Variants in CDKL2 observed in about 807,000 individuals in gnomAD.
CDKL2 encodes cyclin dependent kinase like 2, also known as cyclin-dependent kinase-like 2.
Under a neutral mutation model 63.9 loss-of-function variants are expected in CDKL2, and 64 were observed. That is an observed-to-expected ratio of 1.00 (90% CI 0.82 to 1.23). The LOEUF is 1.23. Among genes scored for constraint, CDKL2 ranks in the 50% most tolerant of loss-of-function variants. The pLI, the probability that CDKL2 is intolerant of heterozygous loss-of-function variation, is 0.00. For missense variants in CDKL2, 656 were observed against 668.0 expected (o/e 0.98, Z 0.20); for synonymous variants, 211 against 229.2 (o/e 0.92, Z 0.72).
At chr4:75,602,306 A>G (rs866840791) in intron 6 of CDKL2, among the ~76,000 whole-genome samples, 95 of 152,102 alleles carry the variant, frequency 6.2e-4, no homozygotes, top group African/African-American at 2.2e-3. Flanking sequence ...CACCTTCCCG[A>G]GTAGCGGGGG....
At chr4:75,593,501 GATTACCTCTTCCAAAGAAGAATAA>G (rs1406683332) in intron 10 of CDKL2, among the ~76,000 whole-genome samples, 8 of 151,936 alleles carry the variant, frequency 5.3e-5, no homozygotes, top group African/African-American at 1.5e-4. Context: ...CTCCTCTCTT[GATTACCTCTTCCAAAGAAGAATAA>G]ATTACCTCTT....
At chr4:75,628,400 C>T (rs562429267) in intron 1 of CDKL2, among the ~76,000 whole-genome samples, 134 of 152,298 alleles carry the variant, frequency 8.8e-4, no homozygotes, top group African/African-American at 3.1e-3. Context: ...CAGGCGTGAG[C>T]CACCGCGCCC....
intron 2 of CDKL2, among the ~76,000 whole-genome samples, chr4:75,619,650 A>C (rs1319453054): frequency 1.3e-5 from 2 of 150,950 alleles, no homozygotes; most frequent in Non-Finnish European, 3.0e-5. Flanking sequence ...CTAAGGACCG[A>C]CAATGTCTTT....
chr4:75,599,241 C>T (rs1302915746), intron 7 of CDKL2, among the ~76,000 whole-genome samples: 1 of 152,132 alleles, frequency 6.6e-6, no homozygotes, highest in Non-Finnish European at 1.5e-5. Context: ...TATGGTTTCA[C>T]ATTCCACAAT....
chr4:75,605,487 T>A, intron 5 of CDKL2, 35 bp downstream of exon 5: 1 of 1,249,930 alleles, frequency 8.0e-7, no homozygotes, highest in South Asian at 1.3e-5. Flanking sequence ...TGCAGAAAAA[T>A]CTCTAAAATT....
intron 4 of CDKL2, 115 bp downstream of exon 4, chr4:75,607,068 G>T: frequency 1.2e-6 from 1 of 806,358 alleles, no homozygotes; most frequent in Non-Finnish European, 1.9e-6. Flanking sequence ...TATAGTCCCT[G>T]AAACTCAAGC....
In CDKL2 at chr4:75,630,280, G is replaced by A. The variant is rs1267214549; in HGVS notation, c.-268C>T. On this transcript the variant is annotated 5_prime_UTR_variant, in exon 1 of 14. Transcript: ENST00000307465. ...TTAGGAGGACCACGGGCCGCATGCT[G>A]TCGTCGTCAAGGCAACGACCTCACT... 1 of 152,742 alleles carries A rather than the reference G, an allele frequency of 6.5e-6. No homozygotes were observed. The highest frequency in any genetic ancestry group is 1.5e-5 in the Non-Finnish European group (1 of 68,116). 9.5% of individuals were successfully genotyped at this position (152,742 alleles called of 1,614,324 possible). A position where few individuals can be genotyped will look rare whatever the true frequency, so the allele number is the denominator to read the frequency against.
At chr4:75,587,903 C>CA (rs72495158) in intron 12 of CDKL2, among the ~76,000 whole-genome samples, 18,223 of 83,464 alleles carry the variant, frequency 0.22, 1,755 homozygotes, top group African/African-American at 0.37. Flanking sequence ...GATTCTGTCT[C>CA]AAAAAAAAAA....
At position 75,596,989 on chromosome 4, in the gene CDKL2, G is replaced by A. The variant is rs1036687208; in HGVS notation, c.1268C>T (p.Ala423Val). The A allele has an allele frequency of 1.2e-6, 2 of 1,614,048 alleles. No individual in the cohort carries two copies. Among genetic ancestry groups the A allele is most frequent in the African/African-American group, 2.7e-5 (2 of 74,930 alleles). ...PPLTHNLSAV[A>V]PSINSGMGTE... ...CCCCATTCCAGAATTAATGCTGGGA[G>A]CAACTGCAGAAAGATTGTGTGTAAG... Residue 423 changes from alanine to valine, a missense_variant, in exon 9 of 14, where the codon GCT (alanine) becomes GTT (valine). Ala to Val is a moderately conservative substitution (Grantham distance 64). Coordinates refer to ENST00000307465, the MANE Select transcript of CDKL2 (RefSeq NM_001330724.2).
intron 3 of CDKL2, among the ~76,000 whole-genome samples, chr4:75,611,993 C>G (rs182073311): frequency 2.0e-4 from 30 of 150,308 alleles, no homozygotes; most frequent in African/African-American, 7.4e-4. Context: ...GTTTTTGAGA[C>G]AGAGTCTCGC....
intron 12 of CDKL2, among the ~76,000 whole-genome samples, chr4:75,589,583 C>T (rs1429283197): frequency 1.3e-5 from 2 of 151,946 alleles, no homozygotes; most frequent in African/African-American, 4.8e-5. Flanking sequence ...GGATTACAGG[C>T]GTGAGCCACC....
intron 12 of CDKL2, among the ~76,000 whole-genome samples, chr4:75,589,514 C>T (rs1283250781): frequency 2.0e-5 from 3 of 151,268 alleles, no homozygotes; most frequent in South Asian, 2.1e-4. Context: ...CCGTTTTAGC[C>T]GGGATGGTCT....
At chr4:75,607,502 A>T in intron 3 of CDKL2, 141 bp from the exon 4 acceptor site, 2 of 549,212 alleles carry the variant, frequency 3.6e-6, no homozygotes, top group Non-Finnish European at 6.3e-6. Flanking sequence ...TCAACAACCT[A>T]GGACCTAGTT....
chr4:75,623,415 GA>G (rs1299119032), intron 2 of CDKL2, among the ~76,000 whole-genome samples: 1 of 152,148 alleles, frequency 6.6e-6, no homozygotes, highest in Non-Finnish European at 1.5e-5. Flanking sequence ...GAACAGTGGG[GA>G]AAAAGATGGT....
In CDKL2 at chr4:75,630,029, G is replaced by T. The variant is rs995604012; in HGVS notation, c.-30+13C>A. The T allele has an allele frequency of 6.8e-6, 1 of 146,228 alleles. No individual in the cohort carries two copies. Among genetic ancestry groups the T allele is most frequent in the African/African-American group, 2.5e-5 (1 of 40,354 alleles). 9.1% of individuals were successfully genotyped at this position (146,228 alleles called of 1,614,324 possible). Reference sequence around the variant, plus strand: ...AACGAGATAATAGAAGCTTTAAAACGTACTATACTTACCGTTTCTTCAATC... The same window carrying T: ...AACGAGATAATAGAAGCTTTAAAACTTACTATACTTACCGTTTCTTCAATC... On this transcript the variant is annotated intron_variant, in intron 1 of 13. Transcript: ENST00000307465.
chr4:75,623,166 C>G (rs1730244909), intron 2 of CDKL2, among the ~76,000 whole-genome samples: 1 of 152,088 alleles, frequency 6.6e-6, no homozygotes, highest in African/African-American at 2.4e-5. Context: ...GTAGGCCCAG[C>G]TACTCAGAAG....
At chr4:75,620,224 T>A (rs1240336762) in intron 2 of CDKL2, among the ~76,000 whole-genome samples, 1 of 151,986 alleles carries the variant, frequency 6.6e-6, no homozygotes, top group Non-Finnish European at 1.5e-5. Flanking sequence ...TAATAGTATT[T>A]CAAAGATAAG....
intron 12 of CDKL2, among the ~76,000 whole-genome samples, chr4:75,591,430 C>T (rs1728709795): frequency 6.6e-6 from 1 of 152,056 alleles, no homozygotes; most frequent in Non-Finnish European, 1.5e-5. Flanking sequence ...GGCCTCATCT[C>T]TACAAAAAAT....
At chr4:75,619,755 G>A (rs1730080063) in intron 2 of CDKL2, among the ~76,000 whole-genome samples, 2 of 151,948 alleles carry the variant, frequency 1.3e-5, no homozygotes, top group Admixed American at 1.3e-4. Flanking sequence ...CACAAAGTAG[G>A]TAAAAAAAAG....
Sources: gnomAD v4.1 joint callset for allele counts (sites outside exome capture counted in the v4.1 genomes callset) on GRCh38, gnomAD v4.1.1 for gene constraint, MANE v1.5 for transcripts, NCBI Gene and HGNC (gene_info 2026-07-23, HGNC 2026-07-21) for gene names.